The following SNW1 variants were observed in gnomAD, a reference collection of about 807,000 sequenced individuals.
The protein encoded by SNW1 is SNW domain containing 1.
In SNW1, 9 loss-of-function variants were observed where a neutral mutation model predicts 75.6. The observed-to-expected ratio is 0.12, with a 90% CI of 0.07 to 0.21. The LOEUF (loss-of-function observed/expected upper bound fraction) is 0.21, where lower values mean the gene tolerates loss of function less well. SNW1 is among the 10% of genes least tolerant of loss of function. The probability of loss-of-function intolerance (pLI) is 1.00; values close to 1 mark genes in which losing one functional copy is unlikely to be tolerated. For synonymous variants in SNW1, 200 were observed against 219.1 expected (o/e 0.91, Z 0.77); for missense variants, 409 against 670.9 (o/e 0.61, Z 4.31).
chr14:77,746,059 A>G (rs1002229850), intron 3 of SNW1, among the ~76,000 whole-genome samples: 1 of 152,256 alleles, frequency 6.6e-6, no homozygotes, highest in African/African-American at 2.4e-5. Flanking sequence ...TATTTATTTT[A>G]TAGTGAAAAC....
chr14:77,745,232 C>T (rs1032466460), intron 3 of SNW1, among the ~76,000 whole-genome samples: 2 of 152,050 alleles, frequency 1.3e-5, no homozygotes, highest in African/African-American at 4.8e-5. Flanking sequence ...TCCAGGACAA[C>T]ACCCTGGAAT....
At chr14:77,731,290 G>T (rs1566828872) in intron 9 of SNW1, among the ~76,000 whole-genome samples, 161 bp from the exon 10 acceptor site, 1 of 152,208 alleles carries the variant, frequency 6.6e-6, no homozygotes, top group Non-Finnish European at 1.5e-5. Flanking sequence ...AAGATATCCT[G>T]CCTGGAAGAC....
rs1395101124 is a variant in SNW1, at chr14:77,717,840, T to C, written c.*248A>G. ...AAAAGTAAGTGGTCTTGACTTTGTA[T>C]GTGGGGCAGCATGTTCTATAAATGC... On this transcript the variant is annotated 3_prime_UTR_variant, in exon 14 of 14. Coordinates refer to ENST00000261531, the MANE Select transcript of SNW1 (RefSeq NM_012245.3). 3 of 563,182 alleles carry C rather than the reference T, an allele frequency of 5.3e-6. No homozygotes were observed. Among genetic ancestry groups the C allele is most frequent in the South Asian group, 2.6e-5 (1 of 38,202 alleles). The allele number at this position is 563,182 out of a possible 1,614,324, so 34.9% of individuals were successfully genotyped here.
At chr14:77,738,115 C>A (rs1381441786) in intron 5 of SNW1, among the ~76,000 whole-genome samples, 3 of 151,578 alleles carry the variant, frequency 2.0e-5, no homozygotes, top group Non-Finnish European at 4.4e-5. Flanking sequence ...ACCAGCCTGG[C>A]CAACATGGTG....
At chr14:77,735,076 A>G in intron 7 of SNW1, 64 bp from the exon 8 acceptor site, 1 of 1,200,760 alleles carries the variant, frequency 8.3e-7, no homozygotes. Flanking sequence ...ATCTAAGTAT[A>G]ATCTTTATCT....
At chr14:77,754,904 T>G in intron 2 of SNW1, 63 bp downstream of exon 2, 1 of 1,378,612 alleles carries the variant, frequency 7.3e-7, no homozygotes, top group Non-Finnish European at 9.8e-7. Context: ...AAATTTATGT[T>G]ATAGTGTGCT....
chr14:77,740,632 CTG>C (rs1452192781), intron 3 of SNW1, among the ~76,000 whole-genome samples: 1 of 152,156 alleles, frequency 6.6e-6, no homozygotes, highest in Non-Finnish European at 1.5e-5. Context: ...AGCTCTCAAT[CTG>C]TGTGTCTCAG....
intron 3 of SNW1, among the ~76,000 whole-genome samples, chr14:77,746,909 C>A (rs1032589320): frequency 1.3e-5 from 2 of 151,886 alleles, no homozygotes; most frequent in African/African-American, 4.8e-5. Flanking sequence ...CCCCCTCCCC[C>A]CTTCTGTGCA....
intron 3 of SNW1, among the ~76,000 whole-genome samples, chr14:77,749,892 G>C (rs1341332255): frequency 1.3e-5 from 2 of 152,144 alleles, no homozygotes; most frequent in Non-Finnish European, 2.9e-5. Flanking sequence ...TTGGGATCCA[G>C]AATACATATG....
intron 1 of SNW1, among the ~76,000 whole-genome samples, chr14:77,757,367 C>T (rs1460738704): frequency 6.6e-6 from 1 of 152,154 alleles, no homozygotes; most frequent in Non-Finnish European, 1.5e-5. Flanking sequence ...AATTCAGATC[C>T]GACCTATGCC....
At chr14:77,746,828 TGTATACATAA>T (rs1171188679) in intron 3 of SNW1, among the ~76,000 whole-genome samples, 1 of 152,166 alleles carries the variant, frequency 6.6e-6, no homozygotes. Flanking sequence ...TAAGTTTGTA[TGTATACATAA>T]AATGAGGATA....
chr14:77,761,021 G>A, intron 1 of SNW1, 93 bp downstream of exon 1: 1 of 1,614,198 alleles, frequency 6.2e-7, no homozygotes, highest in South Asian at 1.1e-5. Flanking sequence ...TGTGCCCCGG[G>A]TCAGGTCACC....
intron 2 of SNW1, among the ~76,000 whole-genome samples, chr14:77,754,380 AGAGCTATTCCAGATG>A (rs1482915046): frequency 6.6e-6 from 1 of 152,184 alleles, no homozygotes; most frequent in Non-Finnish European, 1.5e-5. Context: ...AGAGATAGAA[AGAGCTATTCCAGATG>A]GTTCCTTCTC....
In SNW1 at chr14:77,720,713, T is replaced by G. The variant is rs748773929; in HGVS notation, c.1246A>C (p.Lys416Gln). 1 of 1,598,376 alleles carries G rather than the reference T, an allele frequency of 6.3e-7. No homozygotes were observed. Among genetic ancestry groups the G allele is most frequent in the Admixed American group, 1.7e-5 (1 of 59,930 alleles). ...ATATGCTGTTCCTAAACTTGTACCT[T>G]GGATTGGTTGAAGAGCCTTTGGTCA... Reference protein sequence around the residue: ...QYDQRLFNQSKGMDSGFAGGE... With the variant: ...QYDQRLFNQSQGMDSGFAGGE... Residue 416 changes from lysine (K) to glutamine (Q), a missense_variant and splice_region_variant, in exon 12 of 14, where the codon AAG becomes CAG. Physicochemically the swap from Lys to Gln is moderately conservative, Grantham distance 53 (BLOSUM62 1). Coordinates refer to ENST00000261531, the MANE Select transcript of SNW1 (RefSeq NM_012245.3).
intron 1 of SNW1, among the ~76,000 whole-genome samples, chr14:77,757,951 T>TATCC (rs1566838307): frequency 8.6e-6 from 1 of 116,574 alleles, no homozygotes; most frequent in South Asian, 2.9e-4. Flanking sequence ...TCTATCTATC[T>TATCC]ATCGCAATCA....
chr14:77,753,131 G>A (rs962554784), intron 2 of SNW1, among the ~76,000 whole-genome samples: 1 of 152,202 alleles, frequency 6.6e-6, no homozygotes, highest in Admixed American at 6.5e-5. Context: ...CCCTCAAGCA[G>A]CATCCATAGC....
At chr14:77,760,945 C>CTAG (rs1406031770) in intron 1 of SNW1, 169 bp downstream of exon 1, 12 of 1,490,300 alleles carry the variant, frequency 8.1e-6, no homozygotes, top group Non-Finnish European at 1.1e-5. Flanking sequence ...ACCCCAGCTT[C>CTAG]GACTAGGCCT....
chr14:77,721,709 C>T (rs1244815462), intron 11 of SNW1, among the ~76,000 whole-genome samples: 1 of 152,070 alleles, frequency 6.6e-6, no homozygotes, highest in Non-Finnish European at 1.5e-5. Context: ...CAATTAATAC[C>T]AGCAGGAATC....
At chr14:77,720,082 T>C (rs775129890) in intron 12 of SNW1, among the ~76,000 whole-genome samples, 3 of 152,216 alleles carry the variant, frequency 2.0e-5, no homozygotes, top group Non-Finnish European at 2.9e-5. Context: ...GAATCCCAAA[T>C]TGATATATTT....
Sources: gnomAD v4.1 joint callset for allele counts (sites outside exome capture counted in the v4.1 genomes callset) on GRCh38, gnomAD v4.1.1 for gene constraint, MANE v1.5 for transcripts, NCBI Gene and HGNC (gene_info 2026-07-23, HGNC 2026-07-21) for gene names.